Variants in KIAA1217 observed in about 807,000 individuals in gnomAD.
KIAA1217 encodes sickle tail protein homolog.
Under a neutral mutation model 163.9 loss-of-function variants are expected in KIAA1217, and 88 were observed. That is an observed-to-expected ratio of 0.54 (90% CI 0.45 to 0.64). The LOEUF is 0.64. KIAA1217 is among the 30% of genes least tolerant of loss of function. The probability of loss-of-function intolerance (pLI) is 0.00; values close to 1 mark genes in which losing one functional copy is unlikely to be tolerated. For missense variants in KIAA1217, 2,372 were observed against 2,475.0 expected (o/e 0.96, Z 0.88); for synonymous variants, 903 against 923.1 (o/e 0.98, Z 0.39).
intron 3 of KIAA1217, among the ~76,000 whole-genome samples, chr10:24,413,754 G>A (rs887695811): frequency 2.6e-5 from 4 of 152,058 alleles, no homozygotes; most frequent in South Asian, 2.1e-4. Context: ...TACAAGTCTC[G>A]CTTCCACACT....
intron 1 of KIAA1217, among the ~76,000 whole-genome samples, chr10:23,794,692 A>T (rs770511284): frequency 5.3e-5 from 8 of 152,234 alleles, no homozygotes; most frequent in Non-Finnish European, 1.0e-4. Context: ...AGGTAGAATA[A>T]ACCTAACCTC....
chr10:24,153,690 AT>A (rs1342410231), intron 2 of KIAA1217, among the ~76,000 whole-genome samples: 2 of 152,168 alleles, frequency 1.3e-5, no homozygotes, highest in African/African-American at 4.8e-5. Flanking sequence ...ATGCATTGTT[AT>A]TGAATTACAG....
At chr10:23,763,409 A>C (rs964796086) in intron 1 of KIAA1217, among the ~76,000 whole-genome samples, 1 of 152,214 alleles carries the variant, frequency 6.6e-6, no homozygotes, top group Admixed American at 6.5e-5. Context: ...TGGTACCAAG[A>C]CAGGCATATA....
At chr10:23,933,431 A>G (rs1843339907) in intron 1 of KIAA1217, among the ~76,000 whole-genome samples, 1 of 152,110 alleles carries the variant, frequency 6.6e-6, no homozygotes, top group African/African-American at 2.4e-5. Flanking sequence ...CCAAGCCTTT[A>G]TTTCTTCTAT....
At chr10:23,818,024 C>CATATATATAT (rs1837417189) in intron 1 of KIAA1217, among the ~76,000 whole-genome samples, 1 of 101,954 alleles carries the variant, frequency 9.8e-6, no homozygotes, top group South Asian at 2.9e-4. Flanking sequence ...CATATATATA[C>CATATATATAT]ACACATATAT....
chr10:24,433,275 T>A (rs565612576), intron 4 of KIAA1217, 82 bp downstream of exon 4: 1 of 1,037,642 alleles, frequency 9.6e-7, no homozygotes, highest in South Asian at 1.5e-5. Flanking sequence ...TGAGGGGTTT[T>A]TTTTTACCCA....
At chr10:24,527,076 A>T (rs1592676546) in intron 13 of KIAA1217, among the ~76,000 whole-genome samples, 1 of 152,152 alleles carries the variant, frequency 6.6e-6, no homozygotes, top group African/African-American at 2.4e-5. Flanking sequence ...AAAAGTATGC[A>T]GATGTTTTAA....
At position 24,381,083 on chromosome 10, in the gene KIAA1217, C is replaced by A; in HGVS notation, c.553+16C>A. 6.6e-7 allele frequency: 1 copy of A among 1,513,130 alleles called. No homozygotes were observed. The highest frequency in any genetic ancestry group is 8.9e-7 in the Non-Finnish European group (1 of 1,126,794). 93.7% of individuals were successfully genotyped at this position (1,513,130 alleles called of 1,614,324 possible). A position where few individuals can be genotyped will look rare whatever the true frequency, so the allele number is the denominator to read the frequency against. On this transcript the variant is annotated intron_variant, in intron 3 of 20. Coordinates refer to ENST00000376454, the MANE Select transcript of KIAA1217 (RefSeq NM_019590.5). Reference sequence around the variant, plus strand: ...AGATCTCTGGGTAAGCTTTAGAAGGCAGTTTCTGATGCCCCTTTCTTACTG... The same window carrying A: ...AGATCTCTGGGTAAGCTTTAGAAGGAAGTTTCTGATGCCCCTTTCTTACTG...
At chr10:23,861,791 A>G (rs1419011759) in intron 1 of KIAA1217, among the ~76,000 whole-genome samples, 1 of 152,170 alleles carries the variant, frequency 6.6e-6, no homozygotes, top group Non-Finnish European at 1.5e-5. Context: ...TTCAGCAGAT[A>G]TGAACCTGGA....
intron 1 of KIAA1217, among the ~76,000 whole-genome samples, chr10:23,846,373 GT>G (rs1217837070): frequency 6.6e-6 from 1 of 152,168 alleles, no homozygotes; most frequent in Non-Finnish European, 1.5e-5. Flanking sequence ...AGCATGGAAT[GT>G]TTTTCCATAT....
chr10:24,119,055 T>C (rs1428727426), intron 2 of KIAA1217, among the ~76,000 whole-genome samples: 1 of 152,194 alleles, frequency 6.6e-6, no homozygotes, highest in Non-Finnish European at 1.5e-5. Context: ...TGCCAACTCA[T>C]AAATTACTTA....
chr10:24,277,404 C>T (rs1489134157), intron 2 of KIAA1217, among the ~76,000 whole-genome samples: 1 of 152,172 alleles, frequency 6.6e-6, no homozygotes, highest in Non-Finnish European at 1.5e-5. Flanking sequence ...GGATGGGGGA[C>T]AGGTTGCCCT....
At chr10:23,912,297 G>A (rs1842466018) in intron 1 of KIAA1217, among the ~76,000 whole-genome samples, 1 of 151,974 alleles carries the variant, frequency 6.6e-6, no homozygotes, top group African/African-American at 2.4e-5. Context: ...AATAACAGTT[G>A]GGAGGCTCAA....
intron 2 of KIAA1217, among the ~76,000 whole-genome samples, chr10:24,195,665 G>C (rs181064936): frequency 1.0e-3 from 153 of 152,300 alleles, no homozygotes; most frequent in African/African-American, 3.4e-3. Context: ...GCGAGATACT[G>C]AATGAGAATT....
intron 1 of KIAA1217, among the ~76,000 whole-genome samples, chr10:23,978,984 C>T (rs1845653524): frequency 6.6e-6 from 1 of 152,002 alleles, no homozygotes. Context: ...ACCTGGGAAG[C>T]AAAGTAAGCT....
At chr10:24,138,800 A>C (rs188196043) in intron 2 of KIAA1217, among the ~76,000 whole-genome samples, 102 of 152,294 alleles carry the variant, frequency 6.7e-4, no homozygotes, top group African/African-American at 2.4e-3. Context: ...CCAGTGTCTA[A>C]AATGTTTTTT....
At chr10:24,201,025 C>T (rs563254367) in intron 2 of KIAA1217, among the ~76,000 whole-genome samples, 1 of 152,190 alleles carries the variant, frequency 6.6e-6, no homozygotes, top group Non-Finnish European at 1.5e-5. Flanking sequence ...AATTCTGGCA[C>T]TTTAGGGGGC....
intron 1 of KIAA1217, among the ~76,000 whole-genome samples, chr10:23,829,074 C>T (rs887918719): frequency 1.3e-5 from 2 of 152,032 alleles, no homozygotes; most frequent in Admixed American, 1.3e-4. Context: ...TTAAGGATGC[C>T]AGATAAAGGG....
At position 23,870,910 on chromosome 10, in the gene KIAA1217, G is replaced by A. The variant is rs562544976; in HGVS notation, c.-320-136315G>A. Among the ~76,000 whole-genome samples, 139 of 152,138 alleles carry A rather than the reference G, an allele frequency of 9.1e-4. 1 individual carries two copies. The highest frequency in any genetic ancestry group is 3.3e-3 in the African/African-American group (135 of 41,532). ...CCTATGGTATATTTCAGGAAGCCAAGGATAAGTGAAATTAAATATGTGACT... is the reference window on the plus strand; with the variant it reads ...CCTATGGTATATTTCAGGAAGCCAAAGATAAGTGAAATTAAATATGTGACT... On this transcript the variant is annotated intron_variant, in intron 1 of 18. Transcript: ENST00000376462.
Sources: allele counts gnomAD v4.1 joint callset (sites outside exome capture counted in the v4.1 genomes callset), GRCh38; gene constraint gnomAD v4.1.1; transcripts MANE v1.5; gene names NCBI Gene and HGNC (gene_info 2026-07-23, HGNC 2026-07-21).